SLC38A1: variants seen among roughly 807,000 people sequenced by gnomAD.
SLC38A1 encodes the protein solute carrier family 38 member 1.
SLC38A1 carries 18 observed loss-of-function variants against 60.3 expected under a neutral mutation model. The observed-to-expected ratio is 0.30, with a 90% CI of 0.21 to 0.44. The LOEUF is 0.44. SLC38A1 is among the 20% of genes least tolerant of loss of function. The pLI is 1.00. For missense variants in SLC38A1, 448 were observed against 587.2 expected (o/e 0.76, Z 2.45); for synonymous variants, 196 against 212.1 (o/e 0.92, Z 0.66).
chr12:46,251,716 C>T (rs1377512059), intron 1 of SLC38A1, among the ~76,000 whole-genome samples: 1 of 152,128 alleles, frequency 6.6e-6, no homozygotes, highest in East Asian at 1.9e-4. Flanking sequence ...ATTTATGGAG[C>T]CAACAGACAC....
At position 46,229,285 on chromosome 12, in the gene SLC38A1, A is replaced by G; in HGVS notation, c.199-17T>C. The G allele has an allele frequency of 6.6e-7, 1 of 1,524,706 alleles. No homozygotes were observed. The highest frequency in any genetic ancestry group is 9.1e-7 in the Non-Finnish European group (1 of 1,100,810). 94.4% of individuals were successfully genotyped at this position (1,524,706 alleles called of 1,614,324 possible). A position where few individuals can be genotyped will look rare whatever the true frequency, so the allele number is the denominator to read the frequency against. ...ACCTGGAATCTGAACAAAGAAACAA[A>G]CATTGACACTAAGCAAAATAATCCC... On this transcript the variant is annotated splice_polypyrimidine_tract_variant and intron_variant, in intron 4 of 16. Coordinates refer to ENST00000398637, the MANE Select transcript of SLC38A1 (RefSeq NM_030674.4).
At chr12:46,239,517 G>T (rs1222900169) in intron 3 of SLC38A1, 162 bp downstream of exon 3, 7 of 645,194 alleles carry the variant, frequency 1.1e-5, no homozygotes, top group Non-Finnish European at 1.8e-5. Flanking sequence ...TAGAGACGGG[G>T]TTTCACCATG....
rs1020585979 is a variant in SLC38A1 at position 46,184,925 on chromosome 12, G to T, written c.*4045C>A. 2 of 152,048 alleles carry T rather than the reference G, an allele frequency of 1.3e-5. No individual in the cohort carries two copies. The highest frequency in any genetic ancestry group is 2.4e-5 in the African/African-American group (1 of 41,336). The allele number at this position is 152,048 out of a possible 1,614,324, so 9.4% of individuals were successfully genotyped here. ...GTGTTTAGGAATTTGCACCTGCGCTGCTATTTTCAACGAGAAGGGGATAAC... is the reference window on the plus strand; with the variant it reads ...GTGTTTAGGAATTTGCACCTGCGCTTCTATTTTCAACGAGAAGGGGATAAC... On this transcript the variant is annotated 3_prime_UTR_variant, in exon 17 of 17. Transcript: ENST00000398637.
intron 5 of SLC38A1, among the ~76,000 whole-genome samples, chr12:46,223,655 C>T (rs1940750521): frequency 1.2e-5 from 1 of 85,902 alleles, no homozygotes; most frequent in Admixed American, 1.1e-4. Flanking sequence ...TTATAATCAA[C>T]CAAATAAAAT....
chr12:46,189,785 G>C (rs1939067814), intron 16 of SLC38A1, among the ~76,000 whole-genome samples: 1 of 152,204 alleles, frequency 6.6e-6, no homozygotes, highest in East Asian at 1.9e-4. Flanking sequence ...TTTTATAAAG[G>C]GGAGTTACCC....
chr12:46,248,716 A>G (rs1214700887), intron 1 of SLC38A1, among the ~76,000 whole-genome samples: 2 of 152,202 alleles, frequency 1.3e-5, no homozygotes, highest in African/African-American at 2.4e-5. Context: ...AACAAAATAT[A>G]CATTCTTCTC....
At chr12:46,254,745 T>C (rs989087281) in intron 1 of SLC38A1, 4 of 152,394 alleles carry the variant, frequency 2.6e-5, no homozygotes, top group African/African-American at 7.2e-5. Context: ...TGTGTCCTGT[T>C]ACAAAAGAAA....
chr12:46,233,385 G>A (rs972799334), intron 3 of SLC38A1, among the ~76,000 whole-genome samples: 1 of 152,030 alleles, frequency 6.6e-6, no homozygotes, highest in Non-Finnish European at 1.5e-5. Flanking sequence ...GTTTTCCTTT[G>A]CCTTTCTTGT....
chr12:46,251,995 CCCA>C, intron 1 of SLC38A1, among the ~76,000 whole-genome samples: 1 of 152,122 alleles, frequency 6.6e-6, no homozygotes, highest in Non-Finnish European at 1.5e-5. Flanking sequence ...TGGGTATATA[CCCA>C]AAGGATTATA....
Position 46,189,005 on chromosome 12 carries a change from A to G in SLC38A1, c.1429T>C (p.Trp477Arg), listed in dbSNP as rs1190920606. ...LVSIPLVIYD[W>R]ACSSSSDEGH Reference sequence around the variant, plus strand: ...TCGTCACTACTCGATGAGCAGGCCCAGTCATAGATGACCAAGGGAATGCTG... The same window carrying G: ...TCGTCACTACTCGATGAGCAGGCCCGGTCATAGATGACCAAGGGAATGCTG... The change falls in exon 17 of 17, where the codon TGG (tryptophan) becomes CGG (arginine). Residue 477 changes from tryptophan to arginine, a missense_variant. Trp to Arg is a moderately radical substitution (Grantham distance 101). Transcript: ENST00000398637. The G allele has an allele frequency of 1.2e-6, 2 of 1,613,658 alleles. No individual in the cohort carries two copies. Among genetic ancestry groups the G allele is most frequent in the Non-Finnish European group, 1.7e-6 (2 of 1,179,840 alleles).
intron 5 of SLC38A1, among the ~76,000 whole-genome samples, chr12:46,226,109 T>C (rs1039325278): frequency 5.3e-5 from 8 of 152,176 alleles, no homozygotes; most frequent in Admixed American, 1.3e-4. Flanking sequence ...GTATGACATA[T>C]TGAGTTAAAA....
intron 5 of SLC38A1, among the ~76,000 whole-genome samples, chr12:46,220,475 G>A (rs1231730256): frequency 1.3e-5 from 2 of 152,152 alleles, no homozygotes; most frequent in Non-Finnish European, 2.9e-5. Flanking sequence ...AGGATCATCC[G>A]GAAGAGTAGG....
chr12:46,264,052 CT>C (rs1465096639), intron 1 of SLC38A1, among the ~76,000 whole-genome samples: 1 of 152,202 alleles, frequency 6.6e-6, no homozygotes, highest in Non-Finnish European at 1.5e-5. Flanking sequence ...CCAACTAAAT[CT>C]GAATCTCTGG....
At chr12:46,216,376 G>A (rs1326748521) in intron 5 of SLC38A1, among the ~76,000 whole-genome samples, 1 of 152,210 alleles carries the variant, frequency 6.6e-6, no homozygotes, top group Non-Finnish European at 1.5e-5. Context: ...GGAAAGCACA[G>A]CTTCAGGGGT....
At chr12:46,197,889 A>T (rs749798996) in intron 15 of SLC38A1, 30 bp downstream of exon 15, 5 of 1,610,538 alleles carry the variant, frequency 3.1e-6, no homozygotes, top group Non-Finnish European at 4.2e-6. Flanking sequence ...GCTACTGTAG[A>T]ATGACAAGCA....
intron 16 of SLC38A1, chr12:46,196,074 G>T: frequency 1.4e-6 from 2 of 1,424,002 alleles, no homozygotes; most frequent in Non-Finnish European, 1.9e-6. Context: ...GTTCCTATTT[G>T]GCTATCTTGG....
At chr12:46,194,536 TG>T (rs762360679) in intron 16 of SLC38A1, among the ~76,000 whole-genome samples, 5 of 152,252 alleles carry the variant, frequency 3.3e-5, no homozygotes, top group Non-Finnish European at 7.3e-5. Context: ...TTTTCTAACT[TG>T]GATCCATTCT....
At chr12:46,214,702 A>G (rs933029004) in intron 5 of SLC38A1, among the ~76,000 whole-genome samples, 3 of 152,232 alleles carry the variant, frequency 2.0e-5, no homozygotes, top group Admixed American at 6.5e-5. Flanking sequence ...CAACCAACAA[A>G]CAAAAACCAA....
At chr12:46,208,280 T>TCGAAA (rs1246584742) in intron 6 of SLC38A1, among the ~76,000 whole-genome samples, 12 of 152,224 alleles carry the variant, frequency 7.9e-5, no homozygotes, top group Non-Finnish European at 1.2e-4. Context: ...ATACTGAAAC[T>TCGAAA]CTAAAGCATT....
Sources: allele counts gnomAD v4.1 joint callset (sites outside exome capture counted in the v4.1 genomes callset), GRCh38; gene constraint gnomAD v4.1.1; transcripts MANE v1.5; gene names NCBI Gene and HGNC (gene_info 2026-07-23, HGNC 2026-07-21).